STAM2: variants seen among roughly 807,000 people sequenced by gnomAD.
The protein encoded by STAM2 is signal transducing adapter molecule 2.
In STAM2, 51 loss-of-function variants were observed where a neutral mutation model predicts 65.6. The observed-to-expected ratio is 0.78, with a 90% CI of 0.62 to 0.98. The LOEUF (loss-of-function observed/expected upper bound fraction) is 0.98, where lower values mean the gene tolerates loss of function less well. STAM2 is among the 50% of genes least tolerant of loss of function. The pLI, the probability that STAM2 is intolerant of heterozygous loss-of-function variation, is 0.00. For missense variants in STAM2, 584 were observed against 617.8 expected, an observed-to-expected ratio of 0.95 and a Z score of 0.58; for synonymous variants, 198 against 208.4, an observed-to-expected ratio of 0.95 and a Z score of 0.43.
chr2:152,144,076 G>T, intron 6 of STAM2, 63 bp from the exon 7 acceptor site: 1 of 1,308,792 alleles, frequency 7.6e-7, no homozygotes. Flanking sequence ...AACATTAGAT[G>T]ACAATGTAAA....
At chr2:152,125,234 G>C (rs1688943827) in intron 12 of STAM2, among the ~76,000 whole-genome samples, 1 of 152,204 alleles carries the variant, frequency 6.6e-6, no homozygotes, top group South Asian at 2.1e-4. Flanking sequence ...GTCTTTTGCA[G>C]CCAGAAAAAT....
chr2:152,121,901 A>G (rs1324233098), intron 13 of STAM2, among the ~76,000 whole-genome samples: 1 of 152,018 alleles, frequency 6.6e-6, no homozygotes, highest in Non-Finnish European at 1.5e-5. Flanking sequence ...AAACAAAATT[A>G]GCTGGGTGTG....
At position 152,148,440 on chromosome 2, in the gene STAM2, C is replaced by A. The variant is rs1017091989; in HGVS notation, c.126-140G>T. On this transcript the variant is annotated intron_variant, in intron 2 of 13. Transcript: ENST00000263904. ...ATTCCAACACTTCGGGAAGCCAAGG[C>A]GGGAGGATCACTTGAGCCCATGAAT... is the stretch of plus-strand genomic sequence containing the variant. 54 of 659,742 alleles carry A rather than the reference C, an allele frequency of 8.2e-5. No individual in the cohort carries two copies. The Middle Eastern group carries it at 1.3e-3, about 15-fold the overall frequency. 40.9% of individuals were successfully genotyped at this position (659,742 alleles called of 1,614,324 possible).
chr2:152,150,405 T>C (rs906478439), intron 1 of STAM2, among the ~76,000 whole-genome samples, 176 bp from the exon 2 acceptor site: 2 of 152,242 alleles, frequency 1.3e-5, no homozygotes, highest in Non-Finnish European at 1.5e-5. Flanking sequence ...TATAATTAAA[T>C]GAACTAAATA....
chr2:152,123,108 C>T (rs1420566445), intron 13 of STAM2, among the ~76,000 whole-genome samples: 1 of 151,336 alleles, frequency 6.6e-6, no homozygotes, highest in East Asian at 1.9e-4. Context: ...GTGGCTCACA[C>T]CTATAATCCC....
At position 152,123,817 on chromosome 2, in the gene STAM2, G is replaced by T. The variant is rs1205878070; in HGVS notation, c.1298C>A (p.Pro433Gln). The change falls in exon 13 of 14, where the codon CCA (proline) becomes CAA (glutamine). Residue 433 changes from proline to glutamine, a missense_variant. Coordinates refer to ENST00000263904, the MANE Select transcript of STAM2 (RefSeq NM_005843.6). Reference protein sequence around the residue: ...DQIGPLRSLPPNVNSSVTAQP... With the variant: ...DQIGPLRSLPQNVNSSVTAQP... ...TGCTGTCACTGAGGAATTCACATTT[G>T]GAGGCAGAGATCTCAGTGGACCAAT... is the stretch of plus-strand genomic sequence containing the variant. 6.2e-7 allele frequency: 1 copy of T among 1,614,092 alleles called. No individual in the cohort carries two copies.
intron 1 of STAM2, among the ~76,000 whole-genome samples, chr2:152,162,299 C>T (rs537790845): frequency 3.3e-5 from 5 of 151,396 alleles, no homozygotes; most frequent in African/African-American, 4.8e-5. Flanking sequence ...GGACTGGGCC[C>T]GGTGGCTCAC....
At chr2:152,175,400 G>A (rs977976649) in intron 1 of STAM2, among the ~76,000 whole-genome samples, 1 of 152,184 alleles carries the variant, frequency 6.6e-6, no homozygotes, top group Non-Finnish European at 1.5e-5. Flanking sequence ...AACTCAGGCG[G>A]CAGGAAGCAC....
intron 12 of STAM2, among the ~76,000 whole-genome samples, chr2:152,124,957 A>G (rs1365229594): frequency 6.6e-6 from 1 of 152,264 alleles, no homozygotes; most frequent in Non-Finnish European, 1.5e-5. Flanking sequence ...AATGCTCTTG[A>G]GTGAACAGTG....
chr2:152,170,251 A>G (rs946655305), intron 1 of STAM2, among the ~76,000 whole-genome samples: 4 of 148,916 alleles, frequency 2.7e-5, no homozygotes, highest in East Asian at 2.1e-4. Flanking sequence ...GGAGGCCAAG[A>G]CGGGCGGATC....
At chr2:152,155,152 T>C (rs182995917) in intron 1 of STAM2, among the ~76,000 whole-genome samples, 6 of 152,332 alleles carry the variant, frequency 3.9e-5, no homozygotes, top group Admixed American at 1.3e-4. Context: ...ACTATTATTA[T>C]TCTTAGTACA....
chr2:152,146,068 G>C (rs144187503), intron 5 of STAM2, among the ~76,000 whole-genome samples: 2 of 151,996 alleles, frequency 1.3e-5, no homozygotes, highest in East Asian at 3.9e-4. Context: ...TCAGAAGTTT[G>C]AGACCAGCCT....
At chr2:152,159,227 G>A (rs1191102301) in intron 1 of STAM2, among the ~76,000 whole-genome samples, 3 of 150,824 alleles carry the variant, frequency 2.0e-5, no homozygotes, top group Non-Finnish European at 4.4e-5. Flanking sequence ...GATTCCTTGT[G>A]CCCAGGAGTT....
intron 1 of STAM2, among the ~76,000 whole-genome samples, chr2:152,157,248 C>A (rs774512756): frequency 8.5e-5 from 13 of 152,178 alleles, no homozygotes; most frequent in Non-Finnish European, 1.8e-4. Context: ...TCTATGGGGT[C>A]TAGCAGAGAT....
At chr2:152,139,513 G>A (rs1440755657) in intron 7 of STAM2, among the ~76,000 whole-genome samples, 1 of 152,128 alleles carries the variant, frequency 6.6e-6, no homozygotes, top group African/African-American at 2.4e-5. Context: ...CTATGCTCAC[G>A]CCTGTGAATA....
intron 1 of STAM2, among the ~76,000 whole-genome samples, chr2:152,168,637 A>G (rs948912595): frequency 6.6e-6 from 1 of 152,226 alleles, no homozygotes; most frequent in African/African-American, 2.4e-5. Flanking sequence ...GTTATTAAGG[A>G]ATAAAAATAT....
rs115048611 is a variant in STAM2 at position 152,118,458 on chromosome 2, A to G, written c.*2116T>C. The G allele has an allele frequency of 3.3e-4, 49 of 148,380 alleles. No homozygotes were observed. The highest frequency in any genetic ancestry group is 1.2e-3 in the African/African-American group (48 of 39,902). The allele number at this position is 148,380 out of a possible 1,614,324, so 9.2% of individuals were successfully genotyped here. A position where few individuals can be genotyped will look rare whatever the true frequency, so the allele number is the denominator to read the frequency against. On this transcript the variant is annotated 3_prime_UTR_variant, in exon 14 of 14. Transcript: ENST00000263904. ...ATATACTATATATTTATATATATAT[A>G]TATGTGTCATGTTTTATTATTCTAA...
intron 1 of STAM2, among the ~76,000 whole-genome samples, chr2:152,169,416 A>T (rs1189929728): frequency 6.6e-6 from 1 of 152,052 alleles, no homozygotes; most frequent in Non-Finnish European, 1.5e-5. Flanking sequence ...AGCTCGGACT[A>T]CAGGTGCGCG....
chr2:152,159,804 A>G (rs981287151), intron 1 of STAM2, among the ~76,000 whole-genome samples: 1 of 152,154 alleles, frequency 6.6e-6, no homozygotes, highest in African/African-American at 2.4e-5. Flanking sequence ...TACTGCCGCC[A>G]TCTCTGCTCA....
Sources: gnomAD v4.1 joint callset for allele counts (sites outside exome capture counted in the v4.1 genomes callset) on GRCh38, gnomAD v4.1.1 for gene constraint, MANE v1.5 for transcripts, NCBI Gene and HGNC (gene_info 2026-07-23, HGNC 2026-07-21) for gene names.